MYH15: variants seen among roughly 807,000 people sequenced by gnomAD.
MYH15 encodes myosin heavy chain 15.
MYH15 carries 227 observed loss-of-function variants against 240.5 expected under a neutral mutation model. The observed-to-expected ratio is 0.94, with a 90% CI of 0.85 to 1.05. The LOEUF (loss-of-function observed/expected upper bound fraction) is 1.05. Ranked by LOEUF, MYH15 falls within the 50% of genes least tolerant of loss-of-function variation. The pLI, the probability that MYH15 is intolerant of heterozygous loss-of-function variation, is 0.00. For missense variants in MYH15, 2,217 were observed against 2,247.5 expected (o/e 0.99, Z 0.27); for synonymous variants, 785 against 796.7 (o/e 0.99, Z 0.25).
chr3:108,406,888 G>A (rs1412525068), intron 32 of MYH15, among the ~76,000 whole-genome samples: 4 of 152,134 alleles, frequency 2.6e-5, no homozygotes, highest in Admixed American at 6.5e-5. Context: ...TAAATGGCCC[G>A]TGCCAGTTGT....
intron 2 of MYH15, 119 bp from the exon 3 acceptor site, chr3:108,501,974 G>C (rs937422187): frequency 9.3e-7 from 1 of 1,071,722 alleles, no homozygotes; most frequent in Non-Finnish European, 1.4e-6. Context: ...ATTAGGGGAT[G>C]GGGCCAGAAG....
chr3:108,474,781 C>T (rs1209312573), intron 12 of MYH15, among the ~76,000 whole-genome samples: 5 of 152,126 alleles, frequency 3.3e-5, no homozygotes, highest in Non-Finnish European at 7.4e-5. Flanking sequence ...ACTCTAACCC[C>T]CTGCCAAGAA....
chr3:108,491,092 T>C (rs553631717), intron 9 of MYH15, among the ~76,000 whole-genome samples: 10 of 152,150 alleles, frequency 6.6e-5, no homozygotes, highest in Non-Finnish European at 1.2e-4. Flanking sequence ...TTTACCATGT[T>C]AGCCAGGCTG....
intron 37 of MYH15, among the ~76,000 whole-genome samples, chr3:108,390,513 A>G (rs2082415947): frequency 6.6e-6 from 1 of 152,234 alleles, no homozygotes; most frequent in Non-Finnish European, 1.5e-5. Context: ...CGTTTCTCTT[A>G]TACCAAAAAT....
chr3:108,533,604 TAGGGTAAGGTGCCAGACTGTGAGG>T (rs1307294341), upstream of MYH15, among the ~76,000 whole-genome samples: 2 of 152,070 alleles, frequency 1.3e-5, no homozygotes, highest in Non-Finnish European at 2.9e-5. Flanking sequence ...TTTCAAAGTA[TAGGGTAAGGTGCCAGACTGTGAGG>T]AGGGAGTTGG....
chr3:108,437,594 G>C lies in MYH15; in HGVS notation c.3181C>G (p.Leu1061Val). ...LKLNRESMEN[L>V]ESSQRHLAEE... Reference sequence around the variant, plus strand: ...GCCAGGTGTCGCTGGCTGCTTTCCAGGTTCTCCATACTTTCCCGATTCAGC... The same window carrying C: ...GCCAGGTGTCGCTGGCTGCTTTCCACGTTCTCCATACTTTCCCGATTCAGC... Residue 1061 changes from leucine to valine, a missense_variant, in exon 25 of 41, where the codon CTG becomes GTG. Physicochemically the swap from Leu to Val is conservative, Grantham distance 32. Coordinates refer to ENST00000693548, the MANE Select transcript of MYH15 (RefSeq NM_014981.3). 6.2e-7 allele frequency: 1 copy of C among 1,613,920 alleles called. No homozygotes were observed. Among genetic ancestry groups the C allele is most frequent in the East Asian group, 2.2e-5 (1 of 44,870 alleles).
intron 9 of MYH15, among the ~76,000 whole-genome samples, chr3:108,492,066 C>A (rs1361458119): frequency 6.6e-6 from 1 of 151,982 alleles, no homozygotes; most frequent in East Asian, 1.9e-4. Flanking sequence ...CATGGTGAAA[C>A]CCCATCTCTA....
intron 7 of MYH15, among the ~76,000 whole-genome samples, chr3:108,495,347 C>T (rs1425766983): frequency 1.3e-5 from 2 of 152,154 alleles, no homozygotes; most frequent in Non-Finnish European, 2.9e-5. Flanking sequence ...AAGGAGGCCA[C>T]AGGCAACAGT....
In MYH15 at chr3:108,383,739, T is replaced by TAAAAAAAA; in HGVS notation, c.5632-18_5632-11dup. 1.5e-6 allele frequency: 2 copies of TAAAAAAAA among 1,351,892 alleles called. No individual in the cohort carries two copies. The highest frequency in any genetic ancestry group is 2.6e-5 in the East Asian group (1 of 38,116). The allele number at this position is 1,351,892 out of a possible 1,614,324, so 83.7% of individuals were successfully genotyped here. On this transcript the variant is annotated splice_polypyrimidine_tract_variant and intron_variant, in intron 39 of 40. Coordinates refer to ENST00000693548, the MANE Select transcript of MYH15 (RefSeq NM_014981.3). ...GATTGGCTTGTGTTTCCTATAAAAATAAAAAAAAAAAAAAAGAAATCTCCA... is the reference window on the plus strand; with the variant it reads ...GATTGGCTTGTGTTTCCTATAAAAATAAAAAAAAAAAAAAAAAAAAAAAGAAATCTCCA...
At chr3:108,486,812 A>G (rs1201132631) in intron 9 of MYH15, among the ~76,000 whole-genome samples, 1 of 152,118 alleles carries the variant, frequency 6.6e-6, no homozygotes, top group Non-Finnish European at 1.5e-5. Flanking sequence ...ACAAACAAAC[A>G]ACAACAACAA....
intron 1 of MYH15, among the ~76,000 whole-genome samples, chr3:108,528,884 GC>G (rs1276528043): frequency 6.6e-6 from 1 of 152,126 alleles, no homozygotes; most frequent in Non-Finnish European, 1.5e-5. Flanking sequence ...TCTGGTATCA[GC>G]AAAAATAGAG....
the MYH15 span, among the ~76,000 whole-genome samples, chr3:108,545,503 A>AATAAAACATTAAATTTAC: frequency 9.7e-3 from 1,476 of 152,238 alleles, 13 homozygotes; most frequent in Non-Finnish European, 0.014. Flanking sequence ...CATTTTACAG[A>AATAAAACATTAAATTTAC]AGAATAAAAC....
intron 13 of MYH15, 72 bp downstream of exon 13, chr3:108,470,626 C>T (rs1012504376): frequency 3.9e-6 from 6 of 1,522,922 alleles, no homozygotes; most frequent in Non-Finnish European, 5.4e-6. Context: ...ACCATATTTT[C>T]CCATCTTCAA....
intron 27 of MYH15, among the ~76,000 whole-genome samples, chr3:108,422,726 A>T (rs980951748): frequency 6.6e-6 from 1 of 152,216 alleles, no homozygotes; most frequent in Non-Finnish European, 1.5e-5. Flanking sequence ...GATTACACCA[A>T]TGAAATTTTG....
chr3:108,459,309 G>A, intron 18 of MYH15, 53 bp downstream of exon 18: 1 of 1,114,306 alleles, frequency 9.0e-7, no homozygotes, highest in Admixed American at 2.2e-5. Flanking sequence ...ATTCAATATA[G>A]CTAATATCAA....
chr3:108,542,568 C>T, the MYH15 span, among the ~76,000 whole-genome samples: 2 of 152,140 alleles, frequency 1.3e-5, no homozygotes, highest in Non-Finnish European at 2.9e-5. Context: ...ATATTCTTTA[C>T]TCCTAAAGTT....
chr3:108,488,798 C>A (rs1000906852), intron 9 of MYH15, among the ~76,000 whole-genome samples: 1 of 152,134 alleles, frequency 6.6e-6, no homozygotes, highest in Non-Finnish European at 1.5e-5. Flanking sequence ...TGGATGTATT[C>A]CCAGTAGTAG....
chr3:108,522,202 A>T (rs757668816), intron 1 of MYH15, among the ~76,000 whole-genome samples: 9 of 151,876 alleles, frequency 5.9e-5, no homozygotes, highest in Non-Finnish European at 2.9e-5. Context: ...ACAGAGGGGG[A>T]CTGTGGTTCT....
At chr3:108,463,323 T>C in intron 15 of MYH15, 80 bp from the exon 16 acceptor site, 5 of 1,279,598 alleles carry the variant, frequency 3.9e-6, no homozygotes, top group East Asian at 2.6e-5. Flanking sequence ...CATTACCCCT[T>C]TTTTTTTTTG....
Sources: allele counts gnomAD v4.1 joint callset (sites outside exome capture counted in the v4.1 genomes callset), GRCh38; gene constraint gnomAD v4.1.1; transcripts MANE v1.5; gene names NCBI Gene and HGNC (gene_info 2026-07-23, HGNC 2026-07-21).